TAFA1: variants seen among roughly 807,000 people sequenced by gnomAD.
TAFA1 encodes the protein chemokine-like protein TAFA-1.
In TAFA1, 4 loss-of-function variants were observed where a neutral mutation model predicts 18.5. The observed-to-expected ratio is 0.22, with a 90% confidence interval of 0.11 to 0.49. The LOEUF is 0.49. Among genes scored for constraint, TAFA1 ranks in the 20% least tolerant of loss-of-function variants. The pLI is 0.98. For missense variants in TAFA1, 147 were observed against 169.0 expected, an observed-to-expected ratio of 0.87 and a Z score of 0.72; for synonymous variants, 56 against 55.2, an observed-to-expected ratio of 1.01 and a Z score of -0.06.
At chr3:68,129,289 G>A (rs771162861) in intron 2 of TAFA1, among the ~76,000 whole-genome samples, 4 of 152,148 alleles carry the variant, frequency 2.6e-5, no homozygotes, top group Non-Finnish European at 2.9e-5. Flanking sequence ...GTTCGAATTA[G>A]AATAGAAGCC....
intron 2 of TAFA1, among the ~76,000 whole-genome samples, chr3:68,365,518 G>A (rs932224957): frequency 1.3e-5 from 2 of 152,194 alleles, no homozygotes; most frequent in African/African-American, 4.8e-5. Context: ...AGGATGAGGA[G>A]TTAAGGAGGG....
intron 2 of TAFA1, among the ~76,000 whole-genome samples, chr3:68,298,907 G>C (rs536287500): frequency 6.6e-6 from 1 of 152,292 alleles, no homozygotes; most frequent in Non-Finnish European, 1.5e-5. Flanking sequence ...CTAGGTAGTG[G>C]GGAAGTGCTA....
At chr3:68,369,187 G>GCA (rs150116171) in intron 2 of TAFA1, among the ~76,000 whole-genome samples, 17,272 of 150,962 alleles carry the variant, frequency 0.11, 1,191 homozygotes, top group East Asian at 0.23. Context: ...GTTGGTGCAG[G>GCA]CACACACACA....
At chr3:68,179,743 A>G (rs1201941734) in intron 2 of TAFA1, among the ~76,000 whole-genome samples, 1 of 152,124 alleles carries the variant, frequency 6.6e-6, no homozygotes. Context: ...TAATTATCAA[A>G]TAAATGAATT....
chr3:68,374,729 G>A (rs2106643138), intron 2 of TAFA1, among the ~76,000 whole-genome samples: 1 of 152,312 alleles, frequency 6.6e-6, no homozygotes, highest in African/African-American at 2.4e-5. Flanking sequence ...ATTGATGAAA[G>A]TCGGTTACTT....
At position 68,128,888 on chromosome 3, in the gene TAFA1, CTAGATGAAATGAAAATTTCA is replaced by C. The variant is rs746963423; in HGVS notation, c.118+122145_118+122164del. Among the ~76,000 whole-genome samples, 163 of 152,270 alleles carry C rather than the reference CTAGATGAAATGAAAATTTCA, an allele frequency of 1.1e-3. No individual in the cohort carries two copies. The Middle Eastern group carries it at 0.02, about 19-fold the overall frequency. On this transcript the variant is annotated intron_variant, in intron 2 of 4. Transcript: ENST00000478136. ...TGATTTCTAGAACAAGGTAGTGCTC[CTAGATGAAATGAAAATTTCA>C]GCTTTTATCCTCTGTCATTTAAACT... is the stretch of plus-strand genomic sequence containing the variant.
At chr3:68,244,250 A>C (rs190326664) in intron 2 of TAFA1, among the ~76,000 whole-genome samples, 1 of 152,278 alleles carries the variant, frequency 6.6e-6, no homozygotes, top group Admixed American at 6.5e-5. Flanking sequence ...TGCAGATCAA[A>C]AGTTTCTAAT....
chr3:68,238,371 A>T (rs948321232), intron 2 of TAFA1, among the ~76,000 whole-genome samples: 2 of 152,194 alleles, frequency 1.3e-5, no homozygotes, highest in African/African-American at 4.8e-5. Flanking sequence ...TATTGGTTAC[A>T]TGAACTGAAT....
chr3:68,094,082 TC>T (rs2065059016), intron 2 of TAFA1, among the ~76,000 whole-genome samples: 1 of 152,166 alleles, frequency 6.6e-6, no homozygotes, highest in Non-Finnish European at 1.5e-5. Context: ...TGATGCCTGT[TC>T]TTTCTCTCAG....
At chr3:68,160,266 TG>T (rs1164562098) in intron 2 of TAFA1, among the ~76,000 whole-genome samples, 1 of 152,240 alleles carries the variant, frequency 6.6e-6, no homozygotes, top group African/African-American at 2.4e-5. Context: ...TTTAAGGTTT[TG>T]TTGGCCATAT....
chr3:68,416,447 G>C (rs902181631), intron 2 of TAFA1, among the ~76,000 whole-genome samples: 3 of 152,154 alleles, frequency 2.0e-5, no homozygotes, highest in African/African-American at 4.8e-5. Context: ...CTCCAAATTT[G>C]ATGTTGAGAA....
chr3:68,349,314 A>C (rs1343824698), intron 2 of TAFA1, among the ~76,000 whole-genome samples: 2 of 152,048 alleles, frequency 1.3e-5, no homozygotes, highest in African/African-American at 4.8e-5. Context: ...AATTGCTAAA[A>C]AATTTGTACC....
chr3:68,447,573 G>C (rs937358258), intron 3 of TAFA1, among the ~76,000 whole-genome samples: 1 of 152,158 alleles, frequency 6.6e-6, no homozygotes. Context: ...CAAGCCAAAG[G>C]TTTATTCCAA....
intron 2 of TAFA1, among the ~76,000 whole-genome samples, chr3:68,216,557 G>A (rs922107907): frequency 6.6e-6 from 1 of 151,968 alleles, no homozygotes; most frequent in African/African-American, 2.4e-5. Context: ...GTATATATGC[G>A]GCATTGTTAT....
intron 2 of TAFA1, among the ~76,000 whole-genome samples, chr3:68,024,945 C>T (rs1204462547): frequency 6.6e-6 from 1 of 152,136 alleles, no homozygotes; most frequent in Non-Finnish European, 1.5e-5. Context: ...TGCCTCAAAA[C>T]CTCCTCTGTC....
At chr3:68,472,227 A>G (rs2072009600) in intron 3 of TAFA1, among the ~76,000 whole-genome samples, 1 of 152,106 alleles carries the variant, frequency 6.6e-6, no homozygotes, top group Non-Finnish European at 1.5e-5. Flanking sequence ...TCATGATACT[A>G]AATAAGTCTC....
chr3:68,234,678 C>T (rs1271046380), intron 2 of TAFA1, among the ~76,000 whole-genome samples: 1 of 152,178 alleles, frequency 6.6e-6, no homozygotes, highest in Non-Finnish European at 1.5e-5. Flanking sequence ...CGAGTCATCA[C>T]TACCCACATT....
In TAFA1 at chr3:68,004,559, T is replaced by A. The variant is rs926999767; in HGVS notation, c.-147T>A. 5.3e-5 allele frequency: 1 copy of A among 18,832 alleles called. No individual in the cohort carries two copies. 1.2% of individuals were successfully genotyped at this position (18,832 alleles called of 1,614,324 possible). A position where few individuals can be genotyped will look rare whatever the true frequency, so the allele number is the denominator to read the frequency against. ...ATAGGATCGGAAGAGAGTAACATTT[T>A]TTTTTTTTTAATCCTGATAAAGAAG... is the stretch of plus-strand genomic sequence containing the variant. On this transcript the variant is annotated 5_prime_UTR_variant, in exon 1 of 5. Coordinates refer to ENST00000478136, the MANE Select transcript of TAFA1 (RefSeq NM_213609.4).
chr3:67,993,905 A>G, the TAFA1 span, among the ~76,000 whole-genome samples: 1 of 152,012 alleles, frequency 6.6e-6, no homozygotes, highest in Non-Finnish European at 1.5e-5. Context: ...CTGGTTAATC[A>G]AGGGGAGGGG....
Sources: allele counts gnomAD v4.1 joint callset (sites outside exome capture counted in the v4.1 genomes callset), GRCh38; gene constraint gnomAD v4.1.1; transcripts MANE v1.5; gene names NCBI Gene and HGNC (gene_info 2026-07-23, HGNC 2026-07-21).